The following FCHSD2 variants were observed in gnomAD, a reference collection of about 807,000 sequenced individuals.
FCHSD2 encodes F-BAR and double SH3 domains protein 2.
FCHSD2 carries 38 observed loss-of-function variants against 108.1 expected under a neutral mutation model. The ratio of observed to expected loss-of-function variants is 0.35; its 90% confidence interval spans 0.27 to 0.46. The LOEUF (loss-of-function observed/expected upper bound fraction) is 0.46, where lower values mean the gene tolerates loss of function less well. Ranked by LOEUF, FCHSD2 falls within the 20% of genes least tolerant of loss-of-function variation. The pLI, the probability that FCHSD2 is intolerant of heterozygous loss-of-function variation, is 1.00. For missense variants in FCHSD2, 751 were observed against 897.8 expected (o/e 0.84, Z 2.09); for synonymous variants, 279 against 314.7 (o/e 0.89, Z 1.20).
chr11:72,915,295 G>T (rs534207807), intron 9 of FCHSD2, among the ~76,000 whole-genome samples: 1 of 152,322 alleles, frequency 6.6e-6, no homozygotes, highest in East Asian at 1.9e-4. Flanking sequence ...TACACTGTTG[G>T]TAGGAGTGTA....
chr11:72,939,743 C>A (rs572280189), intron 8 of FCHSD2, among the ~76,000 whole-genome samples: 2 of 150,878 alleles, frequency 1.3e-5, no homozygotes, highest in Admixed American at 6.6e-5. Flanking sequence ...CTCAGCCTCC[C>A]GAGCAGCTGG....
Position 72,838,470 on chromosome 11 carries a change from C to T in FCHSD2, c.*321G>A. ...CATGATCAGTAATTTAGGGACTGTGCCCTGGAATGAGGCCTGTTCTTGAGT... is the reference window on the plus strand; with the variant it reads ...CATGATCAGTAATTTAGGGACTGTGTCCTGGAATGAGGCCTGTTCTTGAGT... On this transcript the variant is annotated 3_prime_UTR_variant, in exon 20 of 20. Coordinates refer to ENST00000409418, the MANE Select transcript of FCHSD2 (RefSeq NM_014824.3). 1 of 381,940 alleles carries T rather than the reference C, an allele frequency of 2.6e-6. No homozygotes were observed. Among genetic ancestry groups the T allele is most frequent in the Non-Finnish European group, 4.9e-6 (1 of 203,096 alleles). The allele number at this position is 381,940 out of a possible 1,614,324, so 23.7% of individuals were successfully genotyped here.
intron 2 of FCHSD2, among the ~76,000 whole-genome samples, chr11:73,125,642 C>G (rs1259885963): frequency 1.3e-5 from 2 of 151,950 alleles, no homozygotes; most frequent in African/African-American, 4.8e-5. Context: ...GGGGTTAAGG[C>G]TGCAGTGAGC....
At chr11:73,102,153 G>C (rs1860240550) in intron 2 of FCHSD2, among the ~76,000 whole-genome samples, 1 of 152,102 alleles carries the variant, frequency 6.6e-6, no homozygotes, top group African/African-American at 2.4e-5. Context: ...ACTCATCAGG[G>C]AAATGCAAAT....
intron 13 of FCHSD2, among the ~76,000 whole-genome samples, chr11:72,851,120 A>AG (rs1344601351): frequency 1.3e-5 from 2 of 151,296 alleles, no homozygotes; most frequent in Non-Finnish European, 2.9e-5. Context: ...AAAAAAAAAA[A>AG]AAAAGGTTGC....
chr11:72,928,085 C>A (rs563837415), intron 8 of FCHSD2, among the ~76,000 whole-genome samples: 1 of 152,084 alleles, frequency 6.6e-6, no homozygotes, highest in Admixed American at 6.5e-5. Context: ...TCTTGCCTTG[C>A]TTTAAAATCA....
At chr11:72,919,774 TGTC>T in intron 9 of FCHSD2, among the ~76,000 whole-genome samples, 1 of 151,744 alleles carries the variant, frequency 6.6e-6, no homozygotes, top group Non-Finnish European at 1.5e-5. Context: ...TTAGAATAAA[TGTC>T]GTTGGATTAA....
At chr11:73,112,030 T>C (rs1411296870) in intron 2 of FCHSD2, among the ~76,000 whole-genome samples, 1 of 152,224 alleles carries the variant, frequency 6.6e-6, no homozygotes, top group African/African-American at 2.4e-5. Flanking sequence ...AACTTATACA[T>C]CACAATTACA....
intron 2 of FCHSD2, among the ~76,000 whole-genome samples, chr11:73,101,208 C>T (rs1200691864): frequency 1.3e-5 from 2 of 152,114 alleles, no homozygotes; most frequent in African/African-American, 4.8e-5. Context: ...AAAAAGGCCA[C>T]ATAAAATAGC....
intron 3 of FCHSD2, among the ~76,000 whole-genome samples, chr11:73,017,639 CAT>C (rs1196609582): frequency 1.3e-5 from 2 of 152,174 alleles, no homozygotes; most frequent in Admixed American, 1.3e-4. Flanking sequence ...TTCCACTTAA[CAT>C]ATCTTGTACT....
At chr11:73,061,479 G>A (rs1432348399) in intron 3 of FCHSD2, among the ~76,000 whole-genome samples, 4 of 152,210 alleles carry the variant, frequency 2.6e-5, no homozygotes, top group Non-Finnish European at 5.9e-5. Flanking sequence ...CCCCTGGAAA[G>A]GGGTGCTGAA....
intron 8 of FCHSD2, among the ~76,000 whole-genome samples, chr11:72,937,601 C>T (rs1376609367): frequency 6.6e-6 from 1 of 152,130 alleles, no homozygotes; most frequent in Non-Finnish European, 1.5e-5. Context: ...CCTCGGCCTC[C>T]CAAAGTGCTG....
chr11:72,891,583 G>A (rs1263029341), intron 10 of FCHSD2, among the ~76,000 whole-genome samples: 1 of 152,202 alleles, frequency 6.6e-6, no homozygotes, highest in Non-Finnish European at 1.5e-5. Flanking sequence ...ATATTAAAGT[G>A]TTAAACTCTG....
At chr11:72,887,342 G>T in intron 12 of FCHSD2, 128 bp downstream of exon 12, 1 of 638,532 alleles carries the variant, frequency 1.6e-6, no homozygotes, top group South Asian at 1.9e-5. Flanking sequence ...TACTACTGTG[G>T]ACACGAATGA....
At chr11:72,859,954 T>C (rs939976031) in intron 13 of FCHSD2, among the ~76,000 whole-genome samples, 4 of 152,202 alleles carry the variant, frequency 2.6e-5, no homozygotes, top group African/African-American at 4.8e-5. Flanking sequence ...ACCAGTTTCA[T>C]GGAAGACAAT....
At chr11:73,074,111 G>T (rs1859493289) in intron 3 of FCHSD2, among the ~76,000 whole-genome samples, 1 of 152,080 alleles carries the variant, frequency 6.6e-6, no homozygotes, top group South Asian at 2.1e-4. Context: ...TCAAAGATAG[G>T]TCAGTTGACT....
At chr11:73,002,652 G>C (rs545959286) in intron 4 of FCHSD2, among the ~76,000 whole-genome samples, 14 of 152,092 alleles carry the variant, frequency 9.2e-5, no homozygotes, top group Non-Finnish European at 1.6e-4. Flanking sequence ...GAGAGGAAGG[G>C]AGATACCCTT....
chr11:73,005,770 T>A (rs1344020127), intron 4 of FCHSD2, among the ~76,000 whole-genome samples: 1 of 152,112 alleles, frequency 6.6e-6, no homozygotes, highest in Non-Finnish European at 1.5e-5. Flanking sequence ...GCCTCCAAAG[T>A]GCTAGAATTT....
intron 8 of FCHSD2, among the ~76,000 whole-genome samples, chr11:72,938,376 A>C (rs887234354): frequency 6.6e-6 from 1 of 152,206 alleles, no homozygotes; most frequent in Non-Finnish European, 1.5e-5. Context: ...GAAGTTCAAG[A>C]AACCTGGCAT....
Sources: allele counts gnomAD v4.1 joint callset (sites outside exome capture counted in the v4.1 genomes callset), GRCh38; gene constraint gnomAD v4.1.1; transcripts MANE v1.5; gene names NCBI Gene and HGNC (gene_info 2026-07-23, HGNC 2026-07-21).